The following GANAB variants were observed in gnomAD, a reference collection of about 807,000 sequenced individuals.
The protein encoded by GANAB is neutral alpha-glucosidase AB.
A neutral mutation model predicts 129.9 loss-of-function variants in GANAB; 35 were observed. The observed-to-expected ratio is 0.27, with a 90% CI of 0.21 to 0.36. The LOEUF is 0.36. Ranked by LOEUF, GANAB falls within the 10% of genes least tolerant of loss-of-function variation. GANAB has a pLI of 1.00. For missense variants in GANAB, 939 were observed against 1,221.0 expected (o/e 0.77, Z 3.44); for synonymous variants, 482 against 451.8 (o/e 1.07, Z -0.85).
At chr11:62,628,205 C>CTTTTTTTTTTTTTTTT (rs58757640) in intron 17 of GANAB, among the ~76,000 whole-genome samples, 1 of 98,412 alleles carries the variant, frequency 1.0e-5, no homozygotes, top group African/African-American at 3.9e-5. Context: ...CTTCTCAAAA[C>CTTTTTTTTTTTTTTTT]TTTTTTTTTT....
Position 62,646,590 on chromosome 11 carries a change from C to T in GANAB, c.10G>A (p.Val4Ile), listed in dbSNP as rs772438944. Residue 4 changes from valine to isoleucine, a missense_variant, in exon 1 of 24, where the codon GTA (valine) becomes ATA (isoleucine). Physicochemically the swap from Val to Ile is conservative, Grantham distance 29. Transcript: ENST00000356638. MAAVAAVAARRRRS... is the reference protein window; with the variant it reads MAAIAAVAARRRRS... The stretch of plus-strand genomic sequence containing the variant: ...CTCCTACGCGCCGCCACTGCCGCTA[C>T]CGCCGCCATCTTGTGCAGAGTTTGC... The T allele has an allele frequency of 6.2e-6, 10 of 1,613,846 alleles. No individual in the cohort carries two copies. The highest frequency in any genetic ancestry group is 5.3e-5 in the African/African-American group (4 of 74,950).
At chr11:62,637,464 T>C (rs1224142632) in intron 4 of GANAB, among the ~76,000 whole-genome samples, 1 of 152,146 alleles carries the variant, frequency 6.6e-6, no homozygotes, top group African/African-American at 2.4e-5. Flanking sequence ...ACTTTGGCTT[T>C]ATCTTGCGAA....
chr11:62,639,248 A>G, intron 3 of GANAB, 111 bp downstream of exon 3: 3 of 1,302,588 alleles, frequency 2.3e-6, no homozygotes, highest in Middle Eastern at 2.1e-4. Context: ...TTCATAAAGT[A>G]AAAGTCCAAA....
chr11:62,630,941 A>C, intron 10 of GANAB, 89 bp downstream of exon 10: 2 of 1,515,250 alleles, frequency 1.3e-6, no homozygotes, highest in Non-Finnish European at 1.8e-6. Flanking sequence ...ATAAACCTAG[A>C]AAACAAGCTG....
chr11:62,625,352 G>T lies in GANAB; in HGVS notation c.*463C>A. 1 of 450,406 alleles carries T rather than the reference G, an allele frequency of 2.2e-6. No homozygotes were observed. Among genetic ancestry groups the T allele is most frequent in the Non-Finnish European group, 4.5e-6 (1 of 224,456 alleles). The allele number at this position is 450,406 out of a possible 1,614,324, so 27.9% of individuals were successfully genotyped here. Reference sequence around the variant, plus strand: ...ATAAAAAGGGGAGTAAAGCCTGGAGGAAGAAATGAAAGGTGGGAGAGCAAT... The same window carrying T: ...ATAAAAAGGGGAGTAAAGCCTGGAGTAAGAAATGAAAGGTGGGAGAGCAAT... On this transcript the variant is annotated 3_prime_UTR_variant, in exon 24 of 24. Transcript: ENST00000356638.
chr11:62,639,216 C>T (rs1221284558), intron 3 of GANAB, 106 bp from the exon 4 acceptor site: 1 of 1,381,210 alleles, frequency 7.2e-7, no homozygotes, highest in Non-Finnish European at 1.0e-6. Flanking sequence ...AGCCCTTTGC[C>T]TAAAGGCCAA....
intron 7 of GANAB, 21 bp from the exon 8 acceptor site, chr11:62,633,122 C>A: frequency 6.2e-7 from 1 of 1,604,642 alleles, no homozygotes; most frequent in South Asian, 1.1e-5. Flanking sequence ...AACAAACAAG[C>A]TTCAGAGCTT....
At chr11:62,642,718 T>C (rs1333383556) in intron 1 of GANAB, among the ~76,000 whole-genome samples, 2 of 152,068 alleles carry the variant, frequency 1.3e-5, no homozygotes, top group Non-Finnish European at 2.9e-5. Context: ...AGGCGTTGTG[T>C]CATCGCGCCC....
rs750392399 is a variant in GANAB at position 62,633,097 on chromosome 11, G to A, written c.723C>T (p.Pro241=). 3 of 1,609,784 alleles carry A rather than the reference G, an allele frequency of 1.9e-6. No homozygotes were observed. The highest frequency in any genetic ancestry group is 2.7e-5 in the African/African-American group (2 of 74,782). Residue 241 remains proline, a synonymous_variant, in exon 8 of 24, where the codon CCC becomes CCT. Transcript: ENST00000356638. ...GAGAGAAGTCCAAACCCACAGACAT[G>A]GGGCCTGGAAGAAAAACAAACAAGC... The part of the protein sequence containing the change: ...KTHSDSKPYG[P]MSVGLDFSLP...
At chr11:62,637,919 C>T (rs983148895) in intron 4 of GANAB, among the ~76,000 whole-genome samples, 2 of 150,656 alleles carry the variant, frequency 1.3e-5, no homozygotes, top group African/African-American at 2.4e-5. Flanking sequence ...AAAGAAAAAA[C>T]GGAAACCCCA....
chr11:62,626,021 C>A (rs575897355), intron 23 of GANAB, 44 bp downstream of exon 23: 2 of 1,513,342 alleles, frequency 1.3e-6, no homozygotes, highest in South Asian at 2.2e-5. Flanking sequence ...CCTGCCCCGG[C>A]TTCCCCTCCT....
At chr11:62,641,341 G>A (rs75701715) in intron 1 of GANAB, among the ~76,000 whole-genome samples, 346 of 109,852 alleles carry the variant, frequency 3.1e-3, no homozygotes, top group Non-Finnish European at 3.1e-3. Context: ...AAAACTCTCA[G>A]AAAAAAAAAA....
At chr11:62,633,299 C>G in intron 6 of GANAB, 28 bp from the exon 7 acceptor site, 1 of 1,576,092 alleles carries the variant, frequency 6.3e-7, no homozygotes. Context: ...GGACCACTCT[C>G]CAATCATACC....
intron 4 of GANAB, among the ~76,000 whole-genome samples, chr11:62,635,998 AT>A (rs916294321): frequency 6.6e-6 from 1 of 150,576 alleles, no homozygotes; most frequent in Non-Finnish European, 1.5e-5. Context: ...GACTTAAAAA[AT>A]TTTTTTTTCT....
At position 62,629,845 on chromosome 11, in the gene GANAB, C is replaced by T. The variant is rs1161415255; in HGVS notation, c.1706G>A (p.Arg569Gln). The part of the protein sequence containing the change: ...DAQHYGGWEH[R>Q]DVHNIYGLYV... ...AAGGCCATAGATGTTATGCACATCC[C>T]GGTGCTCCCAGCCCCCATAATGCTG... The change falls in exon 14 of 24, where the codon CGG (arginine) becomes CAG (glutamine). Residue 569 changes from arginine (R) to glutamine (Q), a missense_variant. Physicochemically the swap from Arg to Gln is conservative, Grantham distance 43 (BLOSUM62 1). This residue lies in a region of GANAB where 147 missense variants were observed against 282.4 expected (regional missense o/e 0.52). Coordinates refer to ENST00000356638, the MANE Select transcript of GANAB (RefSeq NM_198334.3). The T allele has an allele frequency of 3.7e-6, 6 of 1,614,034 alleles. No individual in the cohort carries two copies. Among genetic ancestry groups the T allele is most frequent in the African/African-American group, 1.3e-5 (1 of 74,926 alleles).
intron 1 of GANAB, among the ~76,000 whole-genome samples, chr11:62,646,126 A>G (rs973623456): frequency 6.6e-6 from 1 of 152,198 alleles, no homozygotes; most frequent in Non-Finnish European, 1.5e-5. Context: ...AGGGTAGTAC[A>G]GGCTTAACTG....
chr11:62,634,155 C>T (rs1005966199), intron 5 of GANAB, among the ~76,000 whole-genome samples: 2 of 152,104 alleles, frequency 1.3e-5, no homozygotes, highest in Non-Finnish European at 2.9e-5. Flanking sequence ...GGGCTCCCAG[C>T]CAGGGTAACA....
chr11:62,636,726 C>T (rs1943958045), intron 4 of GANAB, among the ~76,000 whole-genome samples: 2 of 151,930 alleles, frequency 1.3e-5, no homozygotes, highest in Non-Finnish European at 2.9e-5. Flanking sequence ...TGGCATGAGC[C>T]TGCAGTCCCA....
intron 1 of GANAB, among the ~76,000 whole-genome samples, chr11:62,644,563 T>C (rs1001765287): frequency 6.6e-6 from 1 of 152,122 alleles, no homozygotes; most frequent in Non-Finnish European, 1.5e-5. Flanking sequence ...TGAGGCTGCA[T>C]GAGCTACGAT....
Sources: allele counts gnomAD v4.1 joint callset (sites outside exome capture counted in the v4.1 genomes callset), GRCh38; gene constraint gnomAD v4.1.1; regional missense constraint gnomAD v4.1.1; transcripts MANE v1.5; gene names NCBI Gene and HGNC (gene_info 2026-07-23, HGNC 2026-07-21).